The following DENND10 variants were observed in gnomAD, a reference collection of about 807,000 sequenced individuals.
The protein encoded by DENND10 is DENN domain-containing protein 10.
Under a neutral mutation model 43.6 loss-of-function variants are expected in DENND10, and 24 were observed. The observed-to-expected ratio is 0.55, with a 90% CI of 0.40 to 0.77. The LOEUF (loss-of-function observed/expected upper bound fraction) is 0.77. Ranked by LOEUF, DENND10 falls within the 30% of genes least tolerant of loss-of-function variation. DENND10 has a pLI of 0.00. For synonymous variants in DENND10, 125 were observed against 157.6 expected, an observed-to-expected ratio of 0.79 and a Z score of 1.55; for missense variants, 303 against 429.9, an observed-to-expected ratio of 0.70 and a Z score of 2.61.
intron 2 of DENND10, among the ~76,000 whole-genome samples, chr10:119,109,987 A>G (rs1844900181): frequency 6.6e-6 from 1 of 151,174 alleles, no homozygotes; most frequent in South Asian, 2.1e-4. Context: ...TAGTTTTTAA[A>G]TTTTTTGTAG....
chr10:119,107,838 G>A (rs927706302), intron 1 of DENND10, 130 bp from the exon 2 acceptor site: 2 of 795,786 alleles, frequency 2.5e-6, no homozygotes, highest in African/African-American at 1.7e-5. Flanking sequence ...AATTTGGGGT[G>A]TCAGGTATTG....
At position 119,132,525 on chromosome 10, in the gene DENND10, A is replaced by T. The variant is rs1846131493; in HGVS notation, c.813A>T (p.Ala271=). The change falls in exon 8 of 9, where the codon GCA becomes GCT. Residue 271 remains alanine, a synonymous_variant. Transcript: ENST00000361432. This position sits in a 1 kb window ranked among gnomAD's most constrained non-coding sequence, Gnocchi z 4.2. ...TIAPLAKEAM[A]MGKLHKEMGQ... ...TCTTGATCTCACCAGAGGCCATGGC[A>T]ATGGGCAAACTGCACAAAGAAATGG... The T allele has an allele frequency of 6.2e-7, 1 of 1,613,534 alleles. No individual in the cohort carries two copies. The highest frequency in any genetic ancestry group is 1.3e-5 in the African/African-American group (1 of 74,912).
rs546077514 is a variant in DENND10 at position 119,134,858 on chromosome 10, C to T, written c.898-1613C>T. ...AGCAATGCTGTTTCTGGGTATATAC[C>T]CAAAATAATTGAAAGCAGGGACTCG... On this transcript the variant is annotated intron_variant, in intron 8 of 8. Coordinates refer to ENST00000361432, the MANE Select transcript of DENND10 (RefSeq NM_207009.4). 3 of 152,132 alleles carry T rather than the reference C, an allele frequency of 2.0e-5. No homozygotes were observed. The South Asian group carries it at 6.2e-4, about 32-fold the overall frequency. The allele number at this position is 152,132 out of a possible 1,614,324, so 9.4% of individuals were successfully genotyped here. A position where few individuals can be genotyped will look rare whatever the true frequency, so the allele number is the denominator to read the frequency against.
At chr10:119,122,180 C>T (rs1019890903) in intron 5 of DENND10, among the ~76,000 whole-genome samples, 2 of 152,126 alleles carry the variant, frequency 1.3e-5, no homozygotes, top group Non-Finnish European at 2.9e-5. Context: ...TGGTGGCATG[C>T]ACCCGTAGCC....
chr10:119,129,699 A>C (rs1002050975), intron 7 of DENND10, 77 bp downstream of exon 7: 1 of 1,018,768 alleles, frequency 9.8e-7, no homozygotes, highest in Admixed American at 1.9e-5. Context: ...CTCTAAAACC[A>C]GTATGTGAGG....
At chr10:119,118,937 A>T (rs191440429) in intron 4 of DENND10, among the ~76,000 whole-genome samples, 1 of 144,390 alleles carries the variant, frequency 6.9e-6, no homozygotes, top group Non-Finnish European at 1.5e-5. Context: ...TTTGCCTCCC[A>T]GGTTCAAGTG....
chr10:119,105,614 A>T (rs1308345275), intron 1 of DENND10: 4 of 552,370 alleles, frequency 7.2e-6, no homozygotes, highest in African/African-American at 2.0e-5. Flanking sequence ...GTCTTTATCT[A>T]CTAATAGCAA....
intron 8 of DENND10, chr10:119,134,511 T>A (rs1846223448): frequency 6.6e-6 from 1 of 152,118 alleles, no homozygotes; most frequent in Non-Finnish European, 1.5e-5. Flanking sequence ...CCACCATGCC[T>A]GGCTAATTTT....
intron 6 of DENND10, among the ~76,000 whole-genome samples, chr10:119,126,869 T>C (rs1281458185): frequency 1.3e-5 from 2 of 150,926 alleles, no homozygotes; most frequent in African/African-American, 2.4e-5. Flanking sequence ...CTGGCCATTT[T>C]CTTATGAAAA....
intron 8 of DENND10, among the ~76,000 whole-genome samples, chr10:119,136,165 G>A (rs919730002): frequency 2.0e-5 from 3 of 152,102 alleles, no homozygotes; most frequent in Non-Finnish European, 2.9e-5. Flanking sequence ...GTAACAGAGC[G>A]AGACCCTGTC....
rs560530496 is a variant in DENND10, at chr10:119,115,410, C to G, written c.333-2109C>G. On this transcript the variant is annotated intron_variant, in intron 3 of 8. Transcript: ENST00000361432. ...TTTTTTTTTTTTTTTTTTTTTGAGA[C>G]GGAGTCTCGCTCTGTCGCCCAGGCT... Among the ~76,000 whole-genome samples the G allele has an allele frequency of 2.3e-4, 6 of 25,846 alleles. No individual in the cohort carries two copies. The East Asian group carries it at 7.9e-3, about 34-fold the overall frequency. The allele number at this position is 25,846 out of a possible 152,430, so 17.0% of individuals were successfully genotyped here.
At chr10:119,131,912 A>G (rs574270546) in intron 7 of DENND10, among the ~76,000 whole-genome samples, 72 of 152,336 alleles carry the variant, frequency 4.7e-4, no homozygotes, top group African/African-American at 1.3e-3. Context: ...CTCTGTGTCT[A>G]TAAAAATGGG....
chr10:119,117,953 G>A (rs919998766), intron 4 of DENND10, among the ~76,000 whole-genome samples: 70 of 151,432 alleles, frequency 4.6e-4, no homozygotes, highest in Non-Finnish European at 8.4e-4. Context: ...GGCAACAGAC[G>A]AGACTCCGTC....
Position 119,136,659 on chromosome 10 carries a change from A to G in DENND10, c.*12A>G, listed in dbSNP as rs775665834. ...TGCTGAAAATCTGACTGTGTGACAG[A>G]ACGTATCACTGATGACTGATAGAAA... On this transcript the variant is annotated 3_prime_UTR_variant, in exon 9 of 9. Transcript: ENST00000361432. 2.2e-6 allele frequency: 3 copies of G among 1,350,912 alleles called. No individual in the cohort carries two copies. Among genetic ancestry groups the G allele is most frequent in the Non-Finnish European group, 3.0e-6 (3 of 989,550 alleles). The allele number at this position is 1,350,912 out of a possible 1,614,324, so 83.7% of individuals were successfully genotyped here. A position where few individuals can be genotyped will look rare whatever the true frequency, so the allele number is the denominator to read the frequency against.
At chr10:119,118,931 C>A (rs1845426375) in intron 4 of DENND10, among the ~76,000 whole-genome samples, 1 of 150,820 alleles carries the variant, frequency 6.6e-6, no homozygotes, top group South Asian at 2.1e-4. Context: ...GCAACCTTTG[C>A]CTCCCAGGTT....
In DENND10 at chr10:119,123,484, G is replaced by C; in HGVS notation, c.609G>C (p.Leu203=). 6.2e-7 allele frequency: 1 copy of C among 1,613,886 alleles called. No homozygotes were observed. Among genetic ancestry groups the C allele is most frequent in the Non-Finnish European group, 8.5e-7 (1 of 1,179,816 alleles). Residue 203 remains leucine (L), a synonymous_variant, in exon 6 of 9, where the codon CTG becomes CTC. Coordinates refer to ENST00000361432, the MANE Select transcript of DENND10 (RefSeq NM_207009.4). ...VQEFTRTLPA[L]VWHRQDWTIL... Reference sequence around the variant, plus strand: ...GATTCCCCAGGACTCTGCCTGCCCTGGTGTGGCACCGACAGGACTGGACCA... The same window carrying C: ...GATTCCCCAGGACTCTGCCTGCCCTCGTGTGGCACCGACAGGACTGGACCA...
intron 3 of DENND10, chr10:119,114,375 T>A (rs1183922684): frequency 6.6e-6 from 1 of 152,304 alleles, no homozygotes; most frequent in Non-Finnish European, 1.5e-5. Context: ...CCTCCATTTC[T>A]GGTGAGGAGC....
rs564187888 is a variant in DENND10, at chr10:119,116,430, C to T, written c.333-1089C>T. ...TTCTCTGTGAACAGTGCGTAAAACT[C>T]CTTTCTCGTCAAAGGAAATCTCAGT... On this transcript the variant is annotated intron_variant, in intron 3 of 8. Transcript: ENST00000361432. Among the ~76,000 whole-genome samples, 6 of 152,252 alleles carry T rather than the reference C, an allele frequency of 3.9e-5. No individual in the cohort carries two copies. The South Asian group carries it at 1.0e-3, about 26-fold the overall frequency.
rs555162586 is a variant in DENND10 at position 119,120,447 on chromosome 10, C to T, written c.588C>T (p.Phe196=). ...YHPKIEAVQE[F]TRTLPALVWH... is the part of the protein sequence containing the mutation. ...CCAAGATAGAAGCGGTCCAGGAGTTCACCAGGTATCACCTCTAATTATAAA... is the reference window on the plus strand; with the variant it reads ...CCAAGATAGAAGCGGTCCAGGAGTTTACCAGGTATCACCTCTAATTATAAA... Residue 196 remains phenylalanine, a synonymous_variant, in exon 5 of 9, where the codon TTC becomes TTT. Coordinates refer to ENST00000361432, the MANE Select transcript of DENND10 (RefSeq NM_207009.4). 2.3e-5 allele frequency: 37 copies of T among 1,575,422 alleles called. 1 individual carries two copies. The highest frequency in any genetic ancestry group is 3.0e-5 in the Non-Finnish European group (34 of 1,145,444).
Sources: gnomAD v4.1 joint callset for allele counts (sites outside exome capture counted in the v4.1 genomes callset) on GRCh38, gnomAD v4.1.1 for gene constraint, Gnocchi (gnomAD v3.1) non-coding constraint, MANE v1.5 for transcripts, NCBI Gene and HGNC (gene_info 2026-07-23, HGNC 2026-07-21) for gene names.